The following PCLO variants were observed in gnomAD, a reference collection of about 807,000 sequenced individuals.
PCLO encodes protein piccolo.
Under a neutral mutation model 427.5 loss-of-function variants are expected in PCLO, and 82 were observed. The observed-to-expected ratio is 0.19, with a 90% CI of 0.16 to 0.23. PCLO has a LOEUF of 0.23. Among genes scored for constraint, PCLO ranks in the 10% least tolerant of loss-of-function variants. The pLI, the probability that PCLO is intolerant of heterozygous loss-of-function variation, is 1.00. For missense variants in PCLO, 6,239 were observed against 6,115.9 expected, an observed-to-expected ratio of 1.02 and a Z score of -0.67; for synonymous variants, 2,357 against 2,155.4, an observed-to-expected ratio of 1.09 and a Z score of -2.59.
At chr7:82,933,732 C>T (rs1308396964) in intron 6 of PCLO, among the ~76,000 whole-genome samples, 1 of 152,082 alleles carries the variant, frequency 6.6e-6, no homozygotes, top group Non-Finnish European at 1.5e-5. Flanking sequence ...ACATAAGAAG[C>T]ATAGATTTTG....
chr7:83,106,102 T>C (rs1394957314), intron 3 of PCLO, among the ~76,000 whole-genome samples: 3 of 152,176 alleles, frequency 2.0e-5, no homozygotes, highest in African/African-American at 4.8e-5. Context: ...GCTGGCACAA[T>C]GGCCACTACA....
intron 3 of PCLO, among the ~76,000 whole-genome samples, chr7:83,108,253 T>A (rs1280087522): frequency 6.6e-6 from 1 of 152,096 alleles, no homozygotes; most frequent in Non-Finnish European, 1.5e-5. Flanking sequence ...CTTTCCTTTG[T>A]TGTTATTGGT....
At chr7:82,827,386 T>C (rs1000783482) in intron 17 of PCLO, among the ~76,000 whole-genome samples, 8 of 152,190 alleles carry the variant, frequency 5.3e-5, no homozygotes, top group African/African-American at 1.9e-4. Context: ...TTTTGCCTTC[T>C]TCTGTAGAGA....
chr7:82,809,569 G>A (rs544281273), intron 20 of PCLO, among the ~76,000 whole-genome samples: 190 of 150,154 alleles, frequency 1.3e-3, no homozygotes, highest in Non-Finnish European at 2.3e-3. Flanking sequence ...AGCTTGTCCC[G>A]GAACCATGTT....
At chr7:82,766,908 C>A (rs1790543047) in intron 22 of PCLO, among the ~76,000 whole-genome samples, 1 of 152,120 alleles carries the variant, frequency 6.6e-6, no homozygotes, top group Non-Finnish European at 1.5e-5. Context: ...ATTGAACGAG[C>A]TTGTTCTTTG....
At chr7:83,074,373 G>A (rs567420612) in intron 3 of PCLO, among the ~76,000 whole-genome samples, 1 of 152,034 alleles carries the variant, frequency 6.6e-6, no homozygotes, top group Admixed American at 6.5e-5. Context: ...TTTGTACTAA[G>A]GAATTTCGTT....
intron 2 of PCLO, among the ~76,000 whole-genome samples, chr7:83,146,648 G>A (rs992770487): frequency 5.3e-5 from 8 of 150,260 alleles, no homozygotes; most frequent in African/African-American, 1.5e-4. Context: ...CCAGGGTGGA[G>A]TGCAGTGGCA....
intron 12 of PCLO, 114 bp downstream of exon 12, chr7:82,846,453 T>C: frequency 1.5e-6 from 1 of 655,196 alleles, no homozygotes; most frequent in South Asian, 1.8e-5. Flanking sequence ...TAACTTTATA[T>C]TTGTCTATAT....
intron 16 of PCLO, among the ~76,000 whole-genome samples, chr7:82,830,236 G>T (rs1792059946): frequency 1.3e-5 from 2 of 151,732 alleles, no homozygotes; most frequent in African/African-American, 4.8e-5. Flanking sequence ...ATTTGTTAGG[G>T]TATTTTCTAT....
intron 18 of PCLO, among the ~76,000 whole-genome samples, chr7:82,824,945 T>C (rs144896569): frequency 1.5e-3 from 231 of 152,048 alleles, no homozygotes; most frequent in Non-Finnish European, 2.4e-3. Flanking sequence ...CAAGATTCTG[T>C]CTCAAAAAAC....
intron 6 of PCLO, among the ~76,000 whole-genome samples, chr7:82,930,949 T>C (rs1014332110): frequency 3.3e-5 from 5 of 152,092 alleles, no homozygotes; most frequent in African/African-American, 9.7e-5. Context: ...TATGAAAAGT[T>C]ATATCTGGCT....
At position 82,754,665 on chromosome 7, in the gene PCLO, G is replaced by T. The variant is rs1790280523; in HGVS notation, c.*3910C>A. ...TTTGATTAAATAATTTTGGCCTAAT[G>T]GATACCTTTAATAATAGAACATGAA... On this transcript the variant is annotated 3_prime_UTR_variant, in exon 25 of 25. Transcript: ENST00000333891. 1 of 151,968 alleles carries T rather than the reference G, an allele frequency of 6.6e-6. No homozygotes were observed. Among genetic ancestry groups the T allele is most frequent in the Non-Finnish European group, 1.5e-5 (1 of 67,952 alleles). The allele number at this position is 151,968 out of a possible 1,614,324, so 9.4% of individuals were successfully genotyped here.
chr7:83,084,475 C>G (rs1221672384), intron 3 of PCLO, among the ~76,000 whole-genome samples: 2 of 151,846 alleles, frequency 1.3e-5, no homozygotes, highest in African/African-American at 4.8e-5. Context: ...TCTCATTCTG[C>G]CTATATAATG....
At chr7:82,971,209 A>G (rs927711682) in intron 3 of PCLO, among the ~76,000 whole-genome samples, 8 of 151,846 alleles carry the variant, frequency 5.3e-5, no homozygotes, top group African/African-American at 1.9e-4. Context: ...TAACAACTCA[A>G]TGTATCAATG....
chr7:82,969,871 CAAGAAG>C (rs1277542800), intron 3 of PCLO, among the ~76,000 whole-genome samples: 1 of 152,038 alleles, frequency 6.6e-6, no homozygotes, highest in African/African-American at 2.4e-5. Flanking sequence ...AGATATTTTC[CAAGAAG>C]GTTTGGCCTT....
At chr7:83,120,402 G>GA (rs35143407) in intron 3 of PCLO, among the ~76,000 whole-genome samples, 2,198 of 80,758 alleles carry the variant, frequency 0.027, 118 homozygotes, top group African/African-American at 0.086. Flanking sequence ...CTCTGCCTCA[G>GA]AAAAAAAAAA....
chr7:82,897,708 A>G (rs1793940409), intron 9 of PCLO, among the ~76,000 whole-genome samples: 1 of 151,558 alleles, frequency 6.6e-6, no homozygotes, highest in Non-Finnish European at 1.5e-5. Context: ...ATGATCATCA[A>G]TGAGTAAACA....
intron 22 of PCLO, among the ~76,000 whole-genome samples, chr7:82,776,604 G>A (rs1458040782): frequency 6.6e-6 from 1 of 152,208 alleles, no homozygotes; most frequent in Non-Finnish European, 1.5e-5. Context: ...AGATCATCTT[G>A]CCCAACATGG....
At chr7:82,982,078 G>A (rs1796158564) in intron 3 of PCLO, among the ~76,000 whole-genome samples, 1 of 152,054 alleles carries the variant, frequency 6.6e-6, no homozygotes, top group Non-Finnish European at 1.5e-5. Flanking sequence ...CTTTATTCCT[G>A]AAGAAGCTAC....
Sources: gnomAD v4.1 joint callset for allele counts (sites outside exome capture counted in the v4.1 genomes callset) on GRCh38, gnomAD v4.1.1 for gene constraint, MANE v1.5 for transcripts, NCBI Gene and HGNC (gene_info 2026-07-23, HGNC 2026-07-21) for gene names.